DNAJC7: variants seen among roughly 807,000 people sequenced by gnomAD.
DNAJC7 encodes the protein DnaJ heat shock protein family (Hsp40) member C7.
In DNAJC7, 18 loss-of-function variants were observed where a neutral mutation model predicts 67.4. The ratio of observed to expected loss-of-function variants is 0.27; its 90% CI spans 0.18 to 0.40. The LOEUF (loss-of-function observed/expected upper bound fraction) is 0.40, where lower values mean the gene tolerates loss of function less well. Ranked by LOEUF, DNAJC7 falls within the 10% of genes least tolerant of loss-of-function variation. The probability of loss-of-function intolerance (pLI) is 1.00; values close to 1 mark genes in which losing one functional copy is unlikely to be tolerated. For synonymous variants in DNAJC7, 220 were observed against 207.8 expected (o/e 1.06, Z -0.50); for missense variants, 419 against 613.8 (o/e 0.68, Z 3.35).
In DNAJC7 at chr17:41,982,392, T is replaced by C; in HGVS notation, c.1094A>G (p.Gln365Arg). 2 of 1,613,974 alleles carry C rather than the reference T, an allele frequency of 1.2e-6. No individual in the cohort carries two copies. The highest frequency in any genetic ancestry group is 1.1e-5 in the South Asian group (1 of 91,084). ...TTCCAGCTGCGCATTTTTTAGGAGCTGTTTGTGTTCTACAGGAAGACATCT... is the reference window on the plus strand; with the variant it reads ...TTCCAGCTGCGCATTTTTTAGGAGCCGTTTGTGTTCTACAGGAAGACATCT... Reference protein sequence around the residue: ...YQTEKTKEHKQLLKNAQLELK... With the variant: ...YQTEKTKEHKRLLKNAQLELK... The change falls in exon 11 of 14, where the codon CAG becomes CGG. Residue 365 changes from glutamine to arginine, a missense_variant. This residue lies in a region of DNAJC7 where 161 missense variants were observed against 252.2 expected (regional missense o/e 0.64). Coordinates refer to ENST00000457167, the MANE Select transcript of DNAJC7 (RefSeq NM_003315.4).
intron 5 of DNAJC7, among the ~76,000 whole-genome samples, chr17:41,991,833 C>T (rs35531783): frequency 0.023 from 3,444 of 152,250 alleles, 133 homozygotes; most frequent in African/African-American, 0.078. Context: ...GCACACGTCA[C>T]CACACTCAGC....
chr17:41,982,642 G>A (rs140480577), intron 10 of DNAJC7, among the ~76,000 whole-genome samples: 5 of 152,300 alleles, frequency 3.3e-5, no homozygotes, highest in African/African-American at 1.2e-4. Flanking sequence ...ACAGAAAAGG[G>A]AACTCTAAAC....
chr17:41,982,879 G>C (rs1157631317), intron 10 of DNAJC7, among the ~76,000 whole-genome samples: 1 of 151,698 alleles, frequency 6.6e-6, no homozygotes, highest in African/African-American at 2.4e-5. Flanking sequence ...ATAATTGTTT[G>C]AACCTGGGAG....
At chr17:42,010,255 G>A (rs1007060881) in intron 1 of DNAJC7, among the ~76,000 whole-genome samples, 15 of 152,076 alleles carry the variant, frequency 9.9e-5, no homozygotes, top group Non-Finnish European at 1.5e-4. Flanking sequence ...AGGCCAAGGC[G>A]GGTGGATCAC....
chr17:41,989,317 T>C, intron 7 of DNAJC7, 87 bp downstream of exon 7: 1 of 1,504,636 alleles, frequency 6.6e-7, no homozygotes, highest in Non-Finnish European at 9.0e-7. Context: ...ATCACATTCC[T>C]TGTGATTCTA....
Position 41,988,843 on chromosome 17 carries a change from T to C in DNAJC7, c.807A>G (p.Glu269=). 1 of 1,613,894 alleles carries C rather than the reference T, an allele frequency of 6.2e-7. No homozygotes were observed. The highest frequency in any genetic ancestry group is 1.7e-5 in the Admixed American group (1 of 59,974). ...GTTCATATGCTAGTTTGTAATTTCC[T>C]TCCTTAAATGCTTTATTCCCATCTT... is the stretch of plus-strand genomic sequence containing the variant. The part of the protein sequence containing the change: ...KKEDGNKAFK[E]GNYKLAYELY... Residue 269 remains glutamate (E), a synonymous_variant, in exon 8 of 14, where the codon GAA becomes GAG. Coordinates refer to ENST00000457167, the MANE Select transcript of DNAJC7 (RefSeq NM_003315.4).
At chr17:42,003,374 G>C (rs1340187032) in intron 1 of DNAJC7, 1 of 152,200 alleles carries the variant, frequency 6.6e-6, no homozygotes, top group Non-Finnish European at 1.5e-5. Context: ...GAGACCAGTC[G>C]AGGAAAGAGT....
At chr17:41,977,641 C>T (rs1473690817) in intron 12 of DNAJC7, 1 of 236,112 alleles carries the variant, frequency 4.2e-6, no homozygotes, top group Non-Finnish European at 8.3e-6. Context: ...CAAGACTTTC[C>T]CCATACTCTG....
intron 13 of DNAJC7, 62 bp from the exon 14 acceptor site, chr17:41,976,832 C>T: frequency 1.9e-6 from 3 of 1,583,410 alleles, no homozygotes; most frequent in Non-Finnish European, 2.6e-6. Flanking sequence ...TCACTTTGCT[C>T]TGATTATGGA....
rs772906693 is a variant in DNAJC7, at chr17:41,988,004, G to A, written c.919-94C>T. The A allele has an allele frequency of 7.0e-6, 7 of 1,006,128 alleles. No individual in the cohort carries two copies. In the African/African-American group the frequency reaches 9.7e-5, roughly 14 times the overall value. 62.3% of individuals were successfully genotyped at this position (1,006,128 alleles called of 1,614,324 possible). On this transcript the variant is annotated intron_variant, in intron 8 of 13. Coordinates refer to ENST00000457167, the MANE Select transcript of DNAJC7 (RefSeq NM_003315.4). ...TGGCTTCAAAACTCTAAGAGGATCA[G>A]TCATGCTGGCCCCTTAAATGTCATA...
In DNAJC7 at chr17:41,996,337, G is replaced by T. The variant is rs2051657803; in HGVS notation, c.379C>A (p.His127Asn). Reference sequence around the variant, plus strand: ...TCTTGTTGTGCCTGAGCATTTTTATGATCCAGTTCTAGGGCTCTCTGGAAG... The same window carrying T: ...TCTTGTTGTGCCTGAGCATTTTTATTATCCAGTTCTAGGGCTCTCTGGAAG... ...RSFQRALELD[H>N]KNAQAQQEFK... The change falls in exon 4 of 14, where the codon CAT becomes AAT. Residue 127 changes from histidine (H) to asparagine (N), a missense_variant. Around this residue, in one of 4 missense-constraint regions of DNAJC7, gnomAD observed 179 missense variants for 249.7 expected, o/e 0.72. Coordinates refer to ENST00000457167, the MANE Select transcript of DNAJC7 (RefSeq NM_003315.4). 1.9e-6 allele frequency: 3 copies of T among 1,613,894 alleles called. No individual in the cohort carries two copies. The highest frequency in any genetic ancestry group is 1.7e-6 in the Non-Finnish European group (2 of 1,179,882).
chr17:41,982,640 G>T (rs995658097), intron 10 of DNAJC7, among the ~76,000 whole-genome samples: 1 of 152,168 alleles, frequency 6.6e-6, no homozygotes, highest in Non-Finnish European at 1.5e-5. Flanking sequence ...AGACAGAAAA[G>T]GGAACTCTAA....
intron 9 of DNAJC7, chr17:41,984,570 G>A (rs1211832510): frequency 1.3e-5 from 2 of 152,230 alleles, no homozygotes; most frequent in African/African-American, 4.8e-5. Flanking sequence ...ACCTCCCAGA[G>A]TGTTGGGATT....
intron 5 of DNAJC7, among the ~76,000 whole-genome samples, chr17:41,994,064 G>A (rs577606725): frequency 2.0e-5 from 3 of 147,330 alleles, no homozygotes; most frequent in Non-Finnish European, 4.5e-5. Context: ...AAGGCCTGGC[G>A]CGGTGGCTCA....
chr17:41,990,906 G>A (rs782499927), intron 5 of DNAJC7, among the ~76,000 whole-genome samples: 20 of 151,762 alleles, frequency 1.3e-4, no homozygotes, highest in Non-Finnish European at 1.9e-4. Context: ...CTCGTGATCC[G>A]TCCTCCTCAG....
At chr17:41,977,668 G>C (rs930330148) in intron 12 of DNAJC7, 2 of 188,878 alleles carry the variant, frequency 1.1e-5, no homozygotes, top group South Asian at 2.8e-4. Flanking sequence ...TATAATGCTG[G>C]AGCGGCTACT....
rs371324143 is a variant in DNAJC7, at chr17:41,993,874, T to TAA, written c.480+994_480+995dup. The stretch of plus-strand genomic sequence containing the variant: ...CAACATGCAGAAACCCCGTCTCTAC[T>TAA]AAAAAAAAAAAAAACAAAATTAGCC... On this transcript the variant is annotated intron_variant, in intron 5 of 13. Coordinates refer to ENST00000457167, the MANE Select transcript of DNAJC7 (RefSeq NM_003315.4). Among the ~76,000 whole-genome samples the TAA allele has an allele frequency of 4.2e-3, 580 of 138,836 alleles. 5 individuals carry two copies. Among genetic ancestry groups the TAA allele is most frequent in the South Asian group, 0.015 (67 of 4,394 alleles). The allele number at this position is 138,836 out of a possible 152,430, so 91.1% of individuals were successfully genotyped here.
At chr17:42,008,871 C>T (rs1343292056) in intron 1 of DNAJC7, among the ~76,000 whole-genome samples, 2 of 152,148 alleles carry the variant, frequency 1.3e-5, no homozygotes, top group African/African-American at 4.8e-5. Context: ...CCATGCCTGG[C>T]TAATCTTTGT....
At chr17:41,987,592 G>A (rs1347174614) in intron 9 of DNAJC7, 1 of 488,286 alleles carries the variant, frequency 2.0e-6, no homozygotes, top group Non-Finnish European at 3.6e-6. Context: ...GAAACTTACT[G>A]ACCGTGAGGG....
Sources: gnomAD v4.1 joint callset for allele counts (sites outside exome capture counted in the v4.1 genomes callset) on GRCh38, gnomAD v4.1.1 for gene constraint, gnomAD v4.1.1 regional missense constraint, MANE v1.5 for transcripts, NCBI Gene and HGNC (gene_info 2026-07-23, HGNC 2026-07-21) for gene names.